The following SEM1 variants were observed in gnomAD, a reference collection of about 807,000 sequenced individuals.
SEM1 encodes the protein SEM1 26S proteasome subunit.
Under a neutral mutation model 12.7 loss-of-function variants are expected in SEM1, and 3 were observed. The observed-to-expected ratio is 0.24, with a 90% CI of 0.11 to 0.61. SEM1 has a LOEUF of 0.61. Among genes scored for constraint, SEM1 ranks in the 20% least tolerant of loss-of-function variants. SEM1 has a pLI of 0.88. For missense variants in SEM1, 59 were observed against 81.3 expected, an observed-to-expected ratio of 0.73 and a Z score of 1.06; for synonymous variants, 30 against 27.8, an observed-to-expected ratio of 1.08 and a Z score of -0.25.
chr7:96,573,688 T>C (rs559028162), intron 2 of SEM1, among the ~76,000 whole-genome samples: 1 of 152,302 alleles, frequency 6.6e-6, no homozygotes, highest in African/African-American at 2.4e-5. Flanking sequence ...TCTCTCTGGC[T>C]GCCCTTAACA....
intron 2 of SEM1, among the ~76,000 whole-genome samples, chr7:96,636,494 A>G (rs953498921): frequency 6.6e-6 from 1 of 151,928 alleles, no homozygotes; most frequent in Non-Finnish European, 1.5e-5. Context: ...AGAAATGGAG[A>G]AAAATCCAAG....
At chr7:96,709,626 A>T in intron 1 of SEM1, 62 bp downstream of exon 1, 1 of 1,528,742 alleles carries the variant, frequency 6.5e-7, no homozygotes, top group Non-Finnish European at 9.0e-7. Context: ...CACCCAAGCT[A>T]CCTCCACACG....
intron 2 of SEM1, among the ~76,000 whole-genome samples, chr7:96,547,764 C>T (rs535814159): frequency 1.1e-4 from 17 of 152,180 alleles, no homozygotes; most frequent in Admixed American, 8.5e-4. Flanking sequence ...AAAGTGGTAC[C>T]TAGATGAGCC....
chr7:96,690,971 A>C (rs1478626115), intron 2 of SEM1, among the ~76,000 whole-genome samples: 5 of 151,890 alleles, frequency 3.3e-5, no homozygotes, highest in Admixed American at 2.6e-4. Context: ...CGGGGTTTCA[A>C]CATGTTAGCC....
chr7:96,556,532 G>C (rs1391599877), intron 2 of SEM1, among the ~76,000 whole-genome samples: 1 of 152,240 alleles, frequency 6.6e-6, no homozygotes, highest in Admixed American at 6.5e-5. Context: ...ACTCTCTTCT[G>C]TCTTCTAGGG....
upstream of SEM1, among the ~76,000 whole-genome samples, chr7:96,501,038 T>C (rs918669176): frequency 1.4e-4 from 21 of 150,174 alleles, no homozygotes; most frequent in African/African-American, 5.0e-4. Context: ...AAGACTATTG[T>C]GGTGCTCCTG....
intron 2 of SEM1, among the ~76,000 whole-genome samples, chr7:96,551,705 CAAAAA>C (rs56316029): frequency 1.2e-5 from 1 of 84,078 alleles, no homozygotes; most frequent in Non-Finnish European, 2.4e-5. Flanking sequence ...GACTCTGTCT[CAAAAA>C]AAAAAAAAAA....
At chr7:96,646,248 G>T (rs1426401189) in intron 2 of SEM1, among the ~76,000 whole-genome samples, 1 of 152,056 alleles carries the variant, frequency 6.6e-6, no homozygotes, top group African/African-American at 2.4e-5. Flanking sequence ...TTATTACAAT[G>T]GTAAAGTTGA....
chr7:96,486,243 G>T (rs1239333637), exon 2 of SEM1: 2 of 1,536,638 alleles, frequency 1.3e-6, no homozygotes, highest in Non-Finnish European at 1.7e-6. Context: ...CTGGAGTTGG[G>T]CATCTCCAAG....
chr7:96,526,126 A>G (rs1427215707), intron 2 of SEM1, among the ~76,000 whole-genome samples: 1 of 152,102 alleles, frequency 6.6e-6, no homozygotes, highest in Non-Finnish European at 1.5e-5. Context: ...AAACTTTATT[A>G]TTTTTAAACA....
At chr7:96,621,418 T>C (rs955423420), downstream of SEM1, among the ~76,000 whole-genome samples, 2 of 152,158 alleles carry the variant, frequency 1.3e-5, no homozygotes, top group African/African-American at 4.8e-5. Context: ...TAAAATGTTA[T>C]CTTAAAAGAT....
intron 2 of SEM1, among the ~76,000 whole-genome samples, chr7:96,630,182 G>A (rs947233658): frequency 6.6e-6 from 1 of 152,232 alleles, no homozygotes; most frequent in African/African-American, 2.4e-5. Flanking sequence ...TTAGCAGGTG[G>A]TAAAGCCAGC....
intron 2 of SEM1, among the ~76,000 whole-genome samples, chr7:96,524,594 A>G (rs555937423): frequency 2.6e-5 from 4 of 152,028 alleles, no homozygotes; most frequent in Non-Finnish European, 5.9e-5. Flanking sequence ...AGTAAAAATG[A>G]ACAGGAATTA....
chr7:96,546,665 C>T (rs1435069467), intron 2 of SEM1, among the ~76,000 whole-genome samples: 2 of 152,046 alleles, frequency 1.3e-5, no homozygotes, highest in Non-Finnish European at 2.9e-5. Flanking sequence ...AACATTCCAC[C>T]GGCACGATCT....
At chr7:96,693,952 A>G (rs934065933) in intron 2 of SEM1, among the ~76,000 whole-genome samples, 1 of 151,980 alleles carries the variant, frequency 6.6e-6, no homozygotes, top group African/African-American at 2.4e-5. Context: ...ATATCCATAT[A>G]GTATTATTAT....
chr7:96,520,812 G>C (rs1804243646), intron 2 of SEM1, among the ~76,000 whole-genome samples: 1 of 152,070 alleles, frequency 6.6e-6, no homozygotes, highest in South Asian at 2.1e-4. Context: ...CTAGTAGGCT[G>C]GCCTCCCCGA....
chr7:96,635,345 G>A (rs1808399918), intron 2 of SEM1, among the ~76,000 whole-genome samples: 1 of 152,042 alleles, frequency 6.6e-6, no homozygotes, highest in Non-Finnish European at 1.5e-5. Flanking sequence ...GAAATCTGGT[G>A]TCCTGGCAAG....
chr7:96,543,936 C>A (rs751761549), intron 2 of SEM1, among the ~76,000 whole-genome samples: 1 of 152,024 alleles, frequency 6.6e-6, no homozygotes, highest in Non-Finnish European at 1.5e-5. Flanking sequence ...CCATGCTTGG[C>A]TTAGTGCTCT....
intron 2 of SEM1, among the ~76,000 whole-genome samples, chr7:96,520,062 A>ATCTTG (rs1804223796): frequency 6.6e-6 from 1 of 152,130 alleles, no homozygotes; most frequent in Admixed American, 6.5e-5. Context: ...GCAAGAAGGG[A>ATCTTG]AGCTTGAGGC....
Sources: gnomAD v4.1 joint callset for allele counts (sites outside exome capture counted in the v4.1 genomes callset) on GRCh38, gnomAD v4.1.1 for gene constraint, MANE v1.5 for transcripts, NCBI Gene and HGNC (gene_info 2026-07-23, HGNC 2026-07-21) for gene names.